The following PTPRN2 variants were observed in gnomAD, a reference collection of about 807,000 sequenced individuals.
PTPRN2 encodes protein tyrosine phosphatase receptor type N2.
A neutral mutation model predicts 118.8 loss-of-function variants in PTPRN2; 74 were observed. That is an observed-to-expected ratio of 0.62 (90% confidence interval 0.52 to 0.76). PTPRN2 has a LOEUF of 0.76. PTPRN2 is among the 30% of genes least tolerant of loss of function. PTPRN2 has a pLI of 0.00. For synonymous variants in PTPRN2, 641 were observed against 608.0 expected, an observed-to-expected ratio of 1.05 and a Z score of -0.80; for missense variants, 1,481 against 1,394.4, an observed-to-expected ratio of 1.06 and a Z score of -0.99.
chr7:157,552,224 C>T (rs967452548), intron 21 of PTPRN2, among the ~76,000 whole-genome samples: 11 of 152,132 alleles, frequency 7.2e-5, no homozygotes, highest in African/African-American at 2.2e-4. Context: ...AATGGCAAGA[C>T]GTTTGCTGTT....
chr7:158,337,557 A>C lies in PTPRN2; in HGVS notation c.164-20625T>G, dbSNP rs529882938. Among the ~76,000 whole-genome samples, 753 of 138,790 alleles carry C rather than the reference A, an allele frequency of 5.4e-3. 33 individuals are homozygous for C. Among genetic ancestry groups the C allele is most frequent in the African/African-American group, 0.02 (702 of 35,242 alleles). The allele number at this position is 138,790 out of a possible 152,430, so 91.1% of individuals were successfully genotyped here. On this transcript the variant is annotated intron_variant, in intron 2 of 22. Transcript: ENST00000389418. ...ACCTGCAGACGTCATTCACACCCAC[A>C]CTCTCACCATAATTGGTGACACCTG...
chr7:158,057,269 C>T (rs1809863194), intron 11 of PTPRN2, among the ~76,000 whole-genome samples: 1 of 152,230 alleles, frequency 6.6e-6, no homozygotes, highest in South Asian at 2.1e-4. Flanking sequence ...GAACCAGAAA[C>T]TTTGCTCTTC....
At chr7:157,621,618 C>G in intron 14 of PTPRN2, 109 bp from the exon 15 acceptor site, 1 of 1,392,920 alleles carries the variant, frequency 7.2e-7, no homozygotes, top group Non-Finnish European at 9.9e-7. Context: ...CCATGCCCAC[C>G]TTGCTCACGA....
chr7:158,126,772 C>T (rs545629537), intron 9 of PTPRN2, among the ~76,000 whole-genome samples: 3 of 152,316 alleles, frequency 2.0e-5, no homozygotes, highest in South Asian at 2.1e-4. Flanking sequence ...CACAGTGAGC[C>T]GAGGAAGGGG....
In PTPRN2 at chr7:157,975,061, G is replaced by A. The variant is rs113331060; in HGVS notation, c.1724-76324C>T. Reference sequence around the variant, plus strand: ...AGAACTCACACTAAAGGCCTGGCCCGGACCCTGCCTCCATCAGCAGGGTGC... The same window carrying A: ...AGAACTCACACTAAAGGCCTGGCCCAGACCCTGCCTCCATCAGCAGGGTGC... On this transcript the variant is annotated intron_variant, in intron 11 of 22. Transcript: ENST00000389418. Among the ~76,000 whole-genome samples the A allele has an allele frequency of 1.8e-3, 269 of 152,148 alleles. 2 individuals are homozygous for A. Among genetic ancestry groups the A allele is most frequent in the African/African-American group, 5.5e-3 (228 of 41,490 alleles).
intron 2 of PTPRN2, among the ~76,000 whole-genome samples, chr7:158,381,869 G>C (rs1810988113): frequency 2.0e-5 from 3 of 152,156 alleles, no homozygotes; most frequent in Admixed American, 1.3e-4. Flanking sequence ...TTTGTGCAGA[G>C]AAACTCCCCC....
chr7:158,408,235 A>C (rs59281698), intron 2 of PTPRN2, among the ~76,000 whole-genome samples: 121 of 152,364 alleles, frequency 7.9e-4, no homozygotes, highest in African/African-American at 2.8e-3. Flanking sequence ...AAAGCAGACA[A>C]CACCAGAGGC....
chr7:158,138,968 T>G (rs1310016885), intron 6 of PTPRN2, among the ~76,000 whole-genome samples: 1 of 151,798 alleles, frequency 6.6e-6, no homozygotes, highest in Non-Finnish European at 1.5e-5. Context: ...CAGCACACCC[T>G]GCCCAGCACA....
intron 2 of PTPRN2, among the ~76,000 whole-genome samples, chr7:158,320,039 TCA>T (rs1367673856): frequency 2.0e-5 from 1 of 50,556 alleles, no homozygotes; most frequent in Non-Finnish European, 3.7e-5. Context: ...ACAGCCTCCC[TCA>T]CACACACTCA....
rs1205642071 is a variant in PTPRN2, at chr7:157,629,689, T to G, written c.2197-8180A>C. Among the ~76,000 whole-genome samples, 1 of 152,222 alleles carries G rather than the reference T, an allele frequency of 6.6e-6. No individual in the cohort carries two copies. Among genetic ancestry groups the G allele is most frequent in the Non-Finnish European group, 1.5e-5 (1 of 68,046 alleles). On this transcript the variant is annotated intron_variant, in intron 14 of 22. Transcript: ENST00000389418. This position sits in a 1 kb window ranked among gnomAD's most constrained non-coding sequence, Gnocchi z 4.4. ...CGATGCTGCCAGCAGTGGAGACTTC[T>G]TCCCACTGTAGAACAAGGCGTGTTA...
intron 11 of PTPRN2, among the ~76,000 whole-genome samples, chr7:157,926,740 T>C (rs1486747404): frequency 6.6e-6 from 1 of 152,188 alleles, no homozygotes; most frequent in African/African-American, 2.4e-5. Context: ...TGCTTAGACC[T>C]GAGAAGTAGC....
At chr7:157,553,660 C>T (rs550917782) in intron 21 of PTPRN2, among the ~76,000 whole-genome samples, 6 of 152,266 alleles carry the variant, frequency 3.9e-5, no homozygotes, top group African/African-American at 7.2e-5. Context: ...AGCGTGCCTC[C>T]GAGTCGCGCT....
At chr7:158,210,293 G>A (rs1006005333) in intron 3 of PTPRN2, among the ~76,000 whole-genome samples, 6 of 151,820 alleles carry the variant, frequency 4.0e-5, no homozygotes, top group Non-Finnish European at 5.9e-5. Flanking sequence ...CCGCTACCAC[G>A]CCTGGCTAAT....
intron 21 of PTPRN2, among the ~76,000 whole-genome samples, chr7:157,565,595 A>C (rs1404066837): frequency 6.6e-6 from 1 of 152,198 alleles, no homozygotes; most frequent in Admixed American, 6.5e-5. Flanking sequence ...TGGGGAGTGA[A>C]GCCTGACCCC....
rs142141567 is a variant in PTPRN2 at position 157,682,176 on chromosome 7, C to T, written c.2001+549G>A. ...CTCGCATCCTCCCCGGTTTCCAGCT[C>T]ATTTCCAGGGGTGTCTGTGGTGCCT... On this transcript the variant is annotated intron_variant, in intron 13 of 22. Coordinates refer to ENST00000389418, the MANE Select transcript of PTPRN2 (RefSeq NM_002847.5). Among the ~76,000 whole-genome samples, 514 of 152,302 alleles carry T rather than the reference C, an allele frequency of 3.4e-3. 4 individuals carry two copies. Among genetic ancestry groups the T allele is most frequent in the African/African-American group, 0.012 (491 of 41,568 alleles).
chr7:157,812,866 G>A (rs914784911), intron 12 of PTPRN2, among the ~76,000 whole-genome samples: 25 of 152,226 alleles, frequency 1.6e-4, no homozygotes, highest in South Asian at 4.1e-4. Context: ...GGAAACCAGC[G>A]TTGTGCAAAC....
intron 2 of PTPRN2, among the ~76,000 whole-genome samples, chr7:158,321,197 C>T (rs11762383): frequency 0.39 from 58,544 of 151,514 alleles, 11,403 homozygotes; most frequent in Middle Eastern, 0.47. Flanking sequence ...CCGTCTCAGA[C>T]GTGCAGTGCG....
intron 12 of PTPRN2, among the ~76,000 whole-genome samples, chr7:157,890,744 C>A (rs1007293263): frequency 6.6e-6 from 1 of 152,242 alleles, no homozygotes; most frequent in East Asian, 1.9e-4. Context: ...CTGCCCCCAG[C>A]ACCACAGGGC....
chr7:158,460,577 G>T (rs549667697), intron 2 of PTPRN2, among the ~76,000 whole-genome samples: 29 of 152,010 alleles, frequency 1.9e-4, no homozygotes, highest in African/African-American at 6.8e-4. Context: ...TCCAGGATGG[G>T]ACTCTATCTA....
Sources: gnomAD v4.1 joint callset for allele counts (sites outside exome capture counted in the v4.1 genomes callset) on GRCh38, gnomAD v4.1.1 for gene constraint, Gnocchi (gnomAD v3.1) non-coding constraint, MANE v1.5 for transcripts, NCBI Gene and HGNC (gene_info 2026-07-23, HGNC 2026-07-21) for gene names.